The following DNAH6 variants were observed in gnomAD, a reference collection of about 807,000 sequenced individuals.
DNAH6 encodes dynein axonemal heavy chain 6, also known as axonemal beta dynein heavy chain 6.
DNAH6 carries 340 observed loss-of-function variants against 491.4 expected under a neutral mutation model. The ratio of observed to expected loss-of-function variants is 0.69; its 90% CI spans 0.63 to 0.76. The LOEUF (loss-of-function observed/expected upper bound fraction) is 0.76, where lower values mean the gene tolerates loss of function less well. DNAH6 is among the 30% of genes least tolerant of loss of function. DNAH6 has a pLI of 0.00. For missense variants in DNAH6, 4,443 were observed against 4,972.2 expected (o/e 0.89, Z 3.20); for synonymous variants, 1,603 against 1,686.1 (o/e 0.95, Z 1.21).
intron 63 of DNAH6, among the ~76,000 whole-genome samples, chr2:84,746,174 G>C (rs1440688486): frequency 6.6e-6 from 1 of 152,196 alleles, no homozygotes; most frequent in African/African-American, 2.4e-5. Context: ...GGAAACTGTA[G>C]AGAGATATAT....
chr2:84,762,838 GTA>G lies in DNAH6; in HGVS notation c.10598_10599del (p.Tyr3533SerfsTer50). ...CACCACCTGTGGACCTGCCTACCCTGTATCAAGACATGTCATGCAACACTCCC... is the reference window on the plus strand; with the variant it reads ...CACCACCTGTGGACCTGCCTACCCTGTCAAGACATGTCATGCAACACTCCC... Reference protein sequence around the residue: ...ETPPVDLPTLYQDMSCNTPLV... With the variant: ...ETPPVDLPTLXQDMSCNTPLV... On this transcript the variant is annotated frameshift_variant, in exon 64 of 77. Transcript: ENST00000389394. LOFTEE classifies it high-confidence loss of function. The G allele has an allele frequency of 2.6e-6, 4 of 1,551,118 alleles. No homozygotes were observed. The highest frequency in any genetic ancestry group is 3.5e-6 in the Non-Finnish European group (4 of 1,146,558).
At chr2:84,606,886 T>G in intron 20 of DNAH6, 90 bp from the exon 21 acceptor site, 1 of 1,376,558 alleles carries the variant, frequency 7.3e-7, no homozygotes, top group Non-Finnish European at 1.0e-6. Context: ...GAGTTGACTT[T>G]TAAGTAGACA....
chr2:84,625,114 T>A (rs1687740348), intron 29 of DNAH6, 51 bp downstream of exon 29: 2 of 1,410,986 alleles, frequency 1.4e-6, no homozygotes, highest in African/African-American at 2.9e-5. Flanking sequence ...TGTGTCTTTC[T>A]CTATTTGCAA....
At position 84,634,580 on chromosome 2, in the gene DNAH6, T is replaced by C. The variant is rs1468770015; in HGVS notation, c.4592T>C (p.Ile1531Thr). Reference sequence around the variant, plus strand: ...TTTGATGAATTTAATCGAATTGACATAGAAGTTCTGTCCGTCATCGCGCAG... The same window carrying C: ...TTTGATGAATTTAATCGAATTGACACAGAAGTTCTGTCCGTCATCGCGCAG... ...CCFDEFNRIDIEVLSVIAQQL... is the reference protein window; with the variant it reads ...CCFDEFNRIDTEVLSVIAQQL... Residue 1531 changes from isoleucine to threonine, a missense_variant, in exon 30 of 77, where the codon ATA becomes ACA. Around this residue, in one of 3 missense-constraint regions of DNAH6, gnomAD observed 2,977 missense variants for 3,296.6 expected, o/e 0.90. Transcript: ENST00000389394. 3.9e-6 allele frequency: 6 copies of C among 1,550,592 alleles called. No homozygotes were observed. Among genetic ancestry groups the C allele is most frequent in the African/African-American group, 1.4e-5 (1 of 72,922 alleles).
intron 4 of DNAH6, among the ~76,000 whole-genome samples, chr2:84,535,408 A>T: frequency 6.6e-6 from 1 of 152,000 alleles, no homozygotes; most frequent in East Asian, 1.9e-4. Context: ...TTTGTATAAA[A>T]ATGTTATCAA....
At chr2:84,600,167 A>G (rs919444264) in intron 18 of DNAH6, among the ~76,000 whole-genome samples, 2 of 152,182 alleles carry the variant, frequency 1.3e-5, no homozygotes, top group Admixed American at 6.5e-5. Flanking sequence ...CTCTCTAACT[A>G]TAATTGTGGG....
chr2:84,484,631 TGTA>T, the DNAH6 span, among the ~76,000 whole-genome samples: 4 of 152,288 alleles, frequency 2.6e-5, no homozygotes, highest in African/African-American at 9.6e-5. Context: ...ACCATTCTCT[TGTA>T]GTCACATCTC....
At chr2:84,472,216 T>G in the DNAH6 span, among the ~76,000 whole-genome samples, 3 of 151,802 alleles carry the variant, frequency 2.0e-5, no homozygotes, top group Non-Finnish European at 4.4e-5. Flanking sequence ...CTTCTGCTTG[T>G]GTATTTGAGT....
rs544959653 is a variant in DNAH6, at chr2:84,583,461, A to G, written c.2230-538A>G. ...ACCTCCTAACCTGATTACCTGTATT[A>G]TAGCAATGACTATCATCCAGCAGGC... On this transcript the variant is annotated intron_variant, in intron 14 of 76. Transcript: ENST00000389394. 4.9e-4 allele frequency among the ~76,000 whole-genome samples: 74 copies of G among 152,392 alleles called. 1 individual carries two copies. The highest frequency in any genetic ancestry group is 1.7e-3 in the African/African-American group (72 of 41,590).
At chr2:84,708,386 C>T (rs984283951) in intron 54 of DNAH6, among the ~76,000 whole-genome samples, 3 of 146,598 alleles carry the variant, frequency 2.0e-5, no homozygotes, top group Non-Finnish European at 4.5e-5. Context: ...CGGAGGTTGC[C>T]GTGAGTGGAG....
rs1227364831 is a variant in DNAH6, at chr2:84,794,514, A to G, written c.11240-1792A>G. Among the ~76,000 whole-genome samples the G allele has an allele frequency of 7.4e-3, 1,094 of 146,944 alleles. 7 individuals carry two copies. Among genetic ancestry groups the G allele is most frequent in the South Asian group, 0.019 (83 of 4,430 alleles). On this transcript the variant is annotated intron_variant, in intron 68 of 76. Coordinates refer to ENST00000389394, the MANE Select transcript of DNAH6 (RefSeq NM_001370.2). ...CAAACAACCCCATCAAAAAGTGGGCAAAGGACATGAACAGACACTTCTCAA... is the reference window on the plus strand; with the variant it reads ...CAAACAACCCCATCAAAAAGTGGGCGAAGGACATGAACAGACACTTCTCAA...
At chr2:84,510,088 G>T in the DNAH6 span, among the ~76,000 whole-genome samples, 1 of 152,118 alleles carries the variant, frequency 6.6e-6, no homozygotes, top group Non-Finnish European at 1.5e-5. Flanking sequence ...TCTTTGTGGT[G>T]TTCTCTGTAT....
rs530032118 is a variant in DNAH6, at chr2:84,800,930, GT to G, written c.11481+3274del. Among the ~76,000 whole-genome samples the G allele has an allele frequency of 1.7e-4, 26 of 151,962 alleles. 1 individual carries two copies. The South Asian group carries it at 5.4e-3, about 32-fold the overall frequency. On this transcript the variant is annotated intron_variant, in intron 70 of 76. Transcript: ENST00000389394. ...ACTATGCAGCCATAAAACATGATGA[GT>G]TCATGTCCTTTGTAGGGACATGGAT...
At position 84,616,279 on chromosome 2, in the gene DNAH6, A is replaced by G. The variant is rs549700276; in HGVS notation, c.3476-607A>G. ...ACCTGTCTAGTGCTGTCAGTGGAGT[A>G]TTGAAGTCCCCCACTATTATTGTGT... On this transcript the variant is annotated intron_variant, in intron 22 of 76. Transcript: ENST00000389394. Among the ~76,000 whole-genome samples, 131 of 152,104 alleles carry G rather than the reference A, an allele frequency of 8.6e-4. 3 individuals carry two copies. In the South Asian group the frequency reaches 0.013, roughly 15 times the overall value.
At chr2:84,529,310 C>T (rs1049425385) in intron 4 of DNAH6, 144 bp downstream of exon 4, 6 of 682,458 alleles carry the variant, frequency 8.8e-6, no homozygotes, top group Non-Finnish European at 1.4e-5. Flanking sequence ...CTAATCACAA[C>T]AATTTTGTAT....
chr2:84,654,037 A>G (rs1690714546), intron 34 of DNAH6, among the ~76,000 whole-genome samples, 163 bp downstream of exon 34: 2 of 152,064 alleles, frequency 1.3e-5, no homozygotes, highest in Non-Finnish European at 2.9e-5. Context: ...TTGACAGTCA[A>G]AGTCTCAAAT....
intron 68 of DNAH6, among the ~76,000 whole-genome samples, chr2:84,790,413 A>G (rs1032740109): frequency 6.6e-6 from 1 of 152,246 alleles, no homozygotes; most frequent in Admixed American, 6.5e-5. Flanking sequence ...TAAAACTTTT[A>G]CACTTCAACA....
At position 84,708,448 on chromosome 2, in the gene DNAH6, GAA is replaced by G. The variant is rs1298098685; in HGVS notation, c.9048+734_9048+735del. Among the ~76,000 whole-genome samples the G allele has an allele frequency of 2.8e-5, 3 of 106,848 alleles. No individual in the cohort carries two copies. The East Asian group carries it at 9.6e-4, about 34-fold the overall frequency. 70.1% of individuals were successfully genotyped at this position (106,848 alleles called of 152,430 possible). A position where few individuals can be genotyped will look rare whatever the true frequency, so the allele number is the denominator to read the frequency against. On this transcript the variant is annotated intron_variant, in intron 54 of 76. Coordinates refer to ENST00000389394, the MANE Select transcript of DNAH6 (RefSeq NM_001370.2). ...CAGCAAGAGCAAAACTCTGAAGAAA[GAA>G]AGAGAGAAAGAGAAAAAGAGAGAAA...
At chr2:84,618,505 A>G (rs1687096190) in intron 23 of DNAH6, among the ~76,000 whole-genome samples, 1 of 152,140 alleles carries the variant, frequency 6.6e-6, no homozygotes, top group African/African-American at 2.4e-5. Flanking sequence ...TAAGTTGACA[A>G]TCAACAATCT....
Sources: allele counts gnomAD v4.1 joint callset (sites outside exome capture counted in the v4.1 genomes callset), GRCh38; gene constraint gnomAD v4.1.1; regional missense constraint gnomAD v4.1.1; transcripts MANE v1.5; gene names NCBI Gene and HGNC (gene_info 2026-07-23, HGNC 2026-07-21).